Variants in BABAM2 observed in about 807,000 individuals in gnomAD.
BABAM2 encodes BRISC and BRCA1-A complex member 2.
In BABAM2, 31 loss-of-function variants were observed where a neutral mutation model predicts 54.7. That is an observed-to-expected ratio of 0.57 (90% CI 0.43 to 0.77). The LOEUF (loss-of-function observed/expected upper bound fraction) is 0.77. BABAM2 is among the 30% of genes least tolerant of loss of function. The pLI is 0.00. For missense variants in BABAM2, 364 were observed against 455.8 expected (o/e 0.80, Z 1.83); for synonymous variants, 167 against 162.9 (o/e 1.03, Z -0.19).
At position 28,045,764 on chromosome 2, in the gene BABAM2, G is replaced by A. The variant is rs149653090; in HGVS notation, c.535G>A (p.Val179Ile). The A allele has an allele frequency of 2.6e-5, 42 of 1,611,128 alleles. No individual in the cohort carries two copies. The highest frequency in any genetic ancestry group is 1.7e-4 in the South Asian group (15 of 90,694). ...FSARFLLKLPVDFSNIPTYLL... is the reference protein window; with the variant it reads ...FSARFLLKLPIDFSNIPTYLL... ...AGCTCGTTTCCTTTTGAAGCTGCCC[G>A]TAGATTTCAGCAATATCCCCACATA... The change falls in exon 6 of 12, where the codon GTA (valine) becomes ATA (isoleucine). Residue 179 changes from valine (V) to isoleucine (I), a missense_variant. By Grantham distance (29) the Val-to-Ile change is conservative. Coordinates refer to ENST00000379624, the MANE Select transcript of BABAM2 (RefSeq NM_199191.3).
Position 28,214,177 on chromosome 2 carries a change from A to ATG in BABAM2, c.681-23011_681-23010dup, listed in dbSNP as rs143088819. 9.8e-4 allele frequency among the ~76,000 whole-genome samples: 148 copies of ATG among 151,362 alleles called. 2 individuals carry two copies. Among genetic ancestry groups the ATG allele is most frequent in the African/African-American group, 1.7e-3 (70 of 41,390 alleles). Reference sequence around the variant, plus strand: ...CCTGCATTCACATGTGTGTATGTATATGTGTGTGTGTGTGTAGCTTAGTGC... The same window carrying ATG: ...CCTGCATTCACATGTGTGTATGTATATGTGTGTGTGTGTGTGTAGCTTAGTGC... On this transcript the variant is annotated intron_variant, in intron 7 of 11. Transcript: ENST00000379624.
At chr2:28,020,684 T>C (rs1675179420) in intron 4 of BABAM2, among the ~76,000 whole-genome samples, 1 of 152,130 alleles carries the variant, frequency 6.6e-6, no homozygotes, top group Non-Finnish European at 1.5e-5. Flanking sequence ...TTATAAATTA[T>C]ATATATAATT....
chr2:27,908,015 G>GT (rs1220591831), intron 2 of BABAM2, among the ~76,000 whole-genome samples: 1 of 152,070 alleles, frequency 6.6e-6, no homozygotes, highest in Non-Finnish European at 1.5e-5. Context: ...CCTGTTTTCA[G>GT]TTTTTTGCGT....
chr2:28,190,286 T>A (rs1408948230), intron 7 of BABAM2, among the ~76,000 whole-genome samples: 1 of 152,060 alleles, frequency 6.6e-6, no homozygotes, highest in Non-Finnish European at 1.5e-5. Flanking sequence ...GACTGGGAAG[T>A]CCAAAATCAA....
intron 11 of BABAM2, among the ~76,000 whole-genome samples, chr2:28,317,881 A>G (rs1394328542): frequency 6.6e-6 from 1 of 152,218 alleles, no homozygotes; most frequent in Non-Finnish European, 1.5e-5. Flanking sequence ...CTGATGAATG[A>G]ACACTAGCAG....
intron 6 of BABAM2, among the ~76,000 whole-genome samples, chr2:28,089,084 A>G (rs1665932850): frequency 6.6e-6 from 1 of 152,134 alleles, no homozygotes; most frequent in African/African-American, 2.4e-5. Context: ...ACAAGTGGTC[A>G]AAACGTCATT....
intron 3 of BABAM2, among the ~76,000 whole-genome samples, chr2:27,962,228 C>G (rs577804207): frequency 6.6e-6 from 1 of 152,274 alleles, no homozygotes; most frequent in South Asian, 2.1e-4. Context: ...GCTTCAGCCT[C>G]TCAAGTTTCT....
Position 28,237,314 on chromosome 2 carries a change from C to A in BABAM2, c.780+13C>A. 1 of 1,596,180 alleles carries A rather than the reference C, an allele frequency of 6.3e-7. No homozygotes were observed. On this transcript the variant is annotated intron_variant, in intron 8 of 11. Coordinates refer to ENST00000379624, the MANE Select transcript of BABAM2 (RefSeq NM_199191.3). ...GCTCACCAACAAGGTAAAAGCAAGT[C>A]CCCAACTCATCCCTCTTATGAGATT...
chr2:27,972,926 C>G (rs143459465), intron 3 of BABAM2, among the ~76,000 whole-genome samples: 2 of 151,922 alleles, frequency 1.3e-5, no homozygotes, highest in East Asian at 3.9e-4. Context: ...ACCCCCACAC[C>G]TGGATGATTT....
chr2:28,248,563 G>A (rs1683122934), intron 10 of BABAM2, among the ~76,000 whole-genome samples: 1 of 152,030 alleles, frequency 6.6e-6, no homozygotes, highest in East Asian at 1.9e-4. Flanking sequence ...GCAAGGCGAA[G>A]TAACAGAACA....
chr2:28,101,491 T>G (rs1667077790), intron 6 of BABAM2, among the ~76,000 whole-genome samples: 1 of 152,168 alleles, frequency 6.6e-6, no homozygotes, highest in South Asian at 2.1e-4. Flanking sequence ...TCTGCCTAGT[T>G]CTCTGCACCC....
intron 4 of BABAM2, among the ~76,000 whole-genome samples, chr2:27,991,781 T>A (rs970110493): frequency 6.6e-6 from 1 of 152,248 alleles, no homozygotes; most frequent in Non-Finnish European, 1.5e-5. Flanking sequence ...TATTTATCCA[T>A]TCATCAGTTG....
At chr2:28,247,841 T>G (rs1683036264) in intron 10 of BABAM2, among the ~76,000 whole-genome samples, 1 of 152,180 alleles carries the variant, frequency 6.6e-6, no homozygotes, top group African/African-American at 2.4e-5. Flanking sequence ...TGCCAGACTT[T>G]GAAAAAGCAG....
At chr2:27,972,762 T>G (rs1329178104) in intron 3 of BABAM2, among the ~76,000 whole-genome samples, 2 of 137,452 alleles carry the variant, frequency 1.5e-5, no homozygotes, top group Non-Finnish European at 3.0e-5. Flanking sequence ...TATTATTATT[T>G]TAATTATTAG....
intron 3 of BABAM2, among the ~76,000 whole-genome samples, chr2:27,954,904 G>T (rs1573254470): frequency 6.6e-6 from 1 of 152,102 alleles, no homozygotes; most frequent in Non-Finnish European, 1.5e-5. Flanking sequence ...CATTCAGTGG[G>T]CTCGTGGCTG....
intron 7 of BABAM2, among the ~76,000 whole-genome samples, chr2:28,162,606 A>G (rs1673212435): frequency 6.6e-6 from 1 of 152,236 alleles, no homozygotes; most frequent in African/African-American, 2.4e-5. Context: ...TGTTATGCAC[A>G]TAATCTCATT....
chr2:28,112,147 T>TTCTTTCTTTCCCTCCCTCCCTCCC (rs1558346715), intron 6 of BABAM2, among the ~76,000 whole-genome samples: 4 of 5,240 alleles, frequency 7.6e-4, no homozygotes, highest in Admixed American at 2.4e-3. Flanking sequence ...CTTTCTTTCT[T>TTCTTTCTTTCCCTCCCTCCCTCCC]TACCTCCCTC....
At position 28,095,776 on chromosome 2, in the gene BABAM2, G is replaced by A. The variant is rs1418131188; in HGVS notation, c.571-33495G>A. Among the ~76,000 whole-genome samples, 3 of 152,120 alleles carry A rather than the reference G, an allele frequency of 2.0e-5. No homozygotes were observed. The South Asian group carries it at 6.2e-4, about 31-fold the overall frequency. ...CAAGAACAAAGGACGTAATAATTCC[G>A]ACAGCTGTCTCTGAGGTTTTAAGTA... is the stretch of plus-strand genomic sequence containing the variant. On this transcript the variant is annotated intron_variant, in intron 6 of 11. Transcript: ENST00000379624.
At chr2:28,191,597 G>A (rs1479610462) in intron 7 of BABAM2, among the ~76,000 whole-genome samples, 1 of 152,158 alleles carries the variant, frequency 6.6e-6, no homozygotes, top group African/African-American at 2.4e-5. Flanking sequence ...CAACAAAATG[G>A]ATGAATCTCA....
Sources: gnomAD v4.1 joint callset for allele counts (sites outside exome capture counted in the v4.1 genomes callset) on GRCh38, gnomAD v4.1.1 for gene constraint, MANE v1.5 for transcripts, NCBI Gene and HGNC (gene_info 2026-07-23, HGNC 2026-07-21) for gene names.